The following RTL6 variants were observed in gnomAD, a reference collection of about 807,000 sequenced individuals.
RTL6 encodes retrotransposon Gag like 6, also known as retrotransposon Gag-like protein 6.
Under a neutral mutation model 12.4 loss-of-function variants are expected in RTL6, and 9 were observed. That is an observed-to-expected ratio of 0.73 (90% CI 0.44 to 1.27). The LOEUF is 1.27. RTL6 is among the 50% of genes most tolerant of loss of function. The probability of loss-of-function intolerance (pLI) is 0.00; values close to 1 mark genes in which losing one functional copy is unlikely to be tolerated. For synonymous variants in RTL6, 160 were observed against 142.8 expected (o/e 1.12, Z -0.86); for missense variants, 291 against 330.7 (o/e 0.88, Z 0.93).
At position 44,494,223 on chromosome 22, in the gene RTL6, C is replaced by A. The variant is rs934960448; in HGVS notation, c.*2614G>T. 4 of 152,258 alleles carry A rather than the reference C, an allele frequency of 2.6e-5. No individual in the cohort carries two copies. The allele number at this position is 152,258 out of a possible 1,614,324, so 9.4% of individuals were successfully genotyped here. A position where few individuals can be genotyped will look rare whatever the true frequency, so the allele number is the denominator to read the frequency against. On this transcript the variant is annotated 3_prime_UTR_variant, in exon 2 of 2. Coordinates refer to ENST00000341255, the MANE Select transcript of RTL6 (RefSeq NM_032287.3). ...TGCACTGTTGAACACTACTGCCTGT[C>A]CCTTTTATCAATCAATACCCGTTCT...
rs1924389566 is a variant in RTL6 at position 44,494,584 on chromosome 22, C to T, written c.*2253G>A. The stretch of plus-strand genomic sequence containing the variant: ...CACCAAGAGAAAAAACACAAATCAC[C>T]ATGCCAAACAAAGGTGGAGCAGCTG... On this transcript the variant is annotated 3_prime_UTR_variant, in exon 2 of 2. Coordinates refer to ENST00000341255, the MANE Select transcript of RTL6 (RefSeq NM_032287.3). The T allele has an allele frequency of 6.6e-6, 1 of 152,540 alleles. No individual in the cohort carries two copies. Among genetic ancestry groups the T allele is most frequent in the African/African-American group, 2.4e-5 (1 of 41,464 alleles). 9.4% of individuals were successfully genotyped at this position (152,540 alleles called of 1,614,324 possible).
At chr22:44,497,997 C>A (rs1219797892) in intron 1 of RTL6, 47 bp downstream of exon 1, 2 of 151,954 alleles carry the variant, frequency 1.3e-5, no homozygotes, top group Non-Finnish European at 2.9e-5. Context: ...CTGGGGGCCA[C>A]CACAGTGGCG....
At position 44,495,517 on chromosome 22, in the gene RTL6, C is replaced by G. The variant is rs1328593889; in HGVS notation, c.*1320G>C. ...AGCCACAAAATGATTTCTTGGTCATCCCCCTGTGAGGAAGGATGAGGTCCT... is the reference window on the plus strand; with the variant it reads ...AGCCACAAAATGATTTCTTGGTCATGCCCCTGTGAGGAAGGATGAGGTCCT... On this transcript the variant is annotated 3_prime_UTR_variant, in exon 2 of 2. Coordinates refer to ENST00000341255, the MANE Select transcript of RTL6 (RefSeq NM_032287.3). 1 of 144,786 alleles carries G rather than the reference C, an allele frequency of 6.9e-6. No individual in the cohort carries two copies. Among genetic ancestry groups the G allele is most frequent in the African/African-American group, 2.6e-5 (1 of 38,196 alleles). The allele number at this position is 144,786 out of a possible 1,614,324, so 9.0% of individuals were successfully genotyped here. A position where few individuals can be genotyped will look rare whatever the true frequency, so the allele number is the denominator to read the frequency against.
chr22:44,496,635 G>C lies in RTL6; in HGVS notation c.*202C>G. ...GCAGTGAGCGATAGGTACAAAGCTAGCACGTAAGAGGAAGCACGGCAAGGT... is the reference window on the plus strand; with the variant it reads ...GCAGTGAGCGATAGGTACAAAGCTACCACGTAAGAGGAAGCACGGCAAGGT... On this transcript the variant is annotated 3_prime_UTR_variant, in exon 2 of 2. Transcript: ENST00000341255. The C allele has an allele frequency of 1.5e-6, 1 of 669,184 alleles. No homozygotes were observed. Among genetic ancestry groups the C allele is most frequent in the Non-Finnish European group, 2.6e-6 (1 of 384,380 alleles). The allele number at this position is 669,184 out of a possible 1,614,324, so 41.5% of individuals were successfully genotyped here.
In RTL6 at chr22:44,497,778, G is replaced by A. The variant is rs1601870987; in HGVS notation, c.-222C>T. On this transcript the variant is annotated 5_prime_UTR_variant, in exon 2 of 2. Coordinates refer to ENST00000341255, the MANE Select transcript of RTL6 (RefSeq NM_032287.3). ...CTTTACTGCAGACTTCGCGGACTACGGAGCCAGACGGGTGGCTGGACCTGC... is the reference window on the plus strand; with the variant it reads ...CTTTACTGCAGACTTCGCGGACTACAGAGCCAGACGGGTGGCTGGACCTGC... 4 of 603,536 alleles carry A rather than the reference G, an allele frequency of 6.6e-6. No individual in the cohort carries two copies. Among genetic ancestry groups the A allele is most frequent in the Non-Finnish European group, 8.9e-6 (3 of 335,852 alleles). The allele number at this position is 603,536 out of a possible 1,614,324, so 37.4% of individuals were successfully genotyped here.
chr22:44,497,786 A>G lies in RTL6; in HGVS notation c.-230T>C. Reference sequence around the variant, plus strand: ...CAGACTTCGCGGACTACGGAGCCAGACGGGTGGCTGGACCTGCTCTGGGCC... The same window carrying G: ...CAGACTTCGCGGACTACGGAGCCAGGCGGGTGGCTGGACCTGCTCTGGGCC... On this transcript the variant is annotated 5_prime_UTR_variant, in exon 2 of 2. Coordinates refer to ENST00000341255, the MANE Select transcript of RTL6 (RefSeq NM_032287.3). 1 of 595,866 alleles carries G rather than the reference A, an allele frequency of 1.7e-6. No individual in the cohort carries two copies. The allele number at this position is 595,866 out of a possible 1,614,324, so 36.9% of individuals were successfully genotyped here.
Position 44,497,076 on chromosome 22 carries a change from GGCTGTCAGGTT to G in RTL6, c.470_480del (p.Gln157ProfsTer36). Reference sequence around the variant, plus strand: ...AACCCCTGATAGTTGTTGCGCAAGGGGCTGTCAGGTTGCATGTGGGGGATAGCCCACTTCTC... The same window carrying G: ...AACCCCTGATAGTTGTTGCGCAAGGGGCATGTGGGGGATAGCCCACTTCTC... On this transcript the variant is annotated frameshift_variant, in exon 2 of 2. Transcript: ENST00000341255. LOFTEE classifies it high-confidence loss of function. The G allele has an allele frequency of 6.2e-7, 1 of 1,614,194 alleles. No individual in the cohort carries two copies. The highest frequency in any genetic ancestry group is 8.5e-7 in the Non-Finnish European group (1 of 1,180,048).
At position 44,494,690 on chromosome 22, in the gene RTL6, G is replaced by T; in HGVS notation, c.*2147C>A. 1 of 152,698 alleles carries T rather than the reference G, an allele frequency of 6.5e-6. No individual in the cohort carries two copies. The highest frequency in any genetic ancestry group is 1.5e-5 in the Non-Finnish European group (1 of 68,466). The allele number at this position is 152,698 out of a possible 1,614,324, so 9.5% of individuals were successfully genotyped here. A position where few individuals can be genotyped will look rare whatever the true frequency, so the allele number is the denominator to read the frequency against. On this transcript the variant is annotated 3_prime_UTR_variant, in exon 2 of 2. Transcript: ENST00000341255. The stretch of plus-strand genomic sequence containing the variant: ...TGTGGACAGGGAGTGTGTGGACAGG[G>T]AGTGTGTGGACAGGGAGCGTGGCCG...
rs1376415161 is a variant in RTL6 at position 44,496,976 on chromosome 22, G to A, written c.581C>T (p.Ala194Val). ...ARRAQIRKTS[A>V]SNRAVRERQM... ...CCTCTCTCGCACAGCCCTATTAGAG[G>A]CAGAAGTCTTCCTGATTTGGGCGCG... Residue 194 changes from alanine to valine, a missense_variant, in exon 2 of 2, where the codon GCC becomes GTC. Coordinates refer to ENST00000341255, the MANE Select transcript of RTL6 (RefSeq NM_032287.3). 12 of 1,613,894 alleles carry A rather than the reference G, an allele frequency of 7.4e-6. No individual in the cohort carries two copies. The highest frequency in any genetic ancestry group is 2.7e-5 in the African/African-American group (2 of 74,944).
At position 44,495,367 on chromosome 22, in the gene RTL6, A is replaced by G. The variant is rs131155; in HGVS notation, c.*1470T>C. ...AGGTTGTCCTTCTGCAATCAAGCCA[A>G]GACCCTTCAGACAGGGGCAGCTGAG... is the stretch of plus-strand genomic sequence containing the variant. On this transcript the variant is annotated 3_prime_UTR_variant, in exon 2 of 2. Coordinates refer to ENST00000341255, the MANE Select transcript of RTL6 (RefSeq NM_032287.3). 77,667 of 152,624 alleles carry G rather than the reference A, an allele frequency of 0.51. 19,937 individuals carry two copies. Among genetic ancestry groups the G allele is most frequent in the African/African-American group, 0.55 (22,862 of 41,482 alleles). 9.5% of individuals were successfully genotyped at this position (152,624 alleles called of 1,614,324 possible). A position where few individuals can be genotyped will look rare whatever the true frequency, so the allele number is the denominator to read the frequency against.
In RTL6 at chr22:44,497,075, G is replaced by C; in HGVS notation, c.482C>G (p.Pro161Arg). 1 of 1,614,192 alleles carries C rather than the reference G, an allele frequency of 6.2e-7. No homozygotes were observed. Among genetic ancestry groups the C allele is most frequent in the Non-Finnish European group, 8.5e-7 (1 of 1,180,042 alleles). Residue 161 changes from proline to arginine, a missense_variant, in exon 2 of 2, where the codon CCC becomes CGC. Around this residue, in one of 3 missense-constraint regions of RTL6, gnomAD observed 132 missense variants for 163.9 expected, o/e 0.81. Coordinates refer to ENST00000341255, the MANE Select transcript of RTL6 (RefSeq NM_032287.3). ...GAACCCCTGATAGTTGTTGCGCAAG[G>C]GGCTGTCAGGTTGCATGTGGGGGAT... ...WAIPHMQPDS[P>R]LRNNYQGFLA...
Position 44,497,410 on chromosome 22 carries a change from C to T in RTL6, c.147G>A (p.Glu49=), listed in dbSNP as rs1332497759. Reference sequence around the variant, plus strand: ...CCAGCATGTTGGTGAGATTGGCCTTCTCCGCCCGCAGGGTGGAAGCCTCCC... The same window carrying T: ...CCAGCATGTTGGTGAGATTGGCCTTTTCCGCCCGCAGGGTGGAAGCCTCCC... ...LRREASTLRA[E]KANLTNMLES... is the part of the protein sequence containing the mutation. Residue 49 remains glutamate (E), a synonymous_variant, in exon 2 of 2, where the codon GAG becomes GAA. Coordinates refer to ENST00000341255, the MANE Select transcript of RTL6 (RefSeq NM_032287.3). 6.2e-7 allele frequency: 1 copy of T among 1,614,088 alleles called. No individual in the cohort carries two copies. Among genetic ancestry groups the T allele is most frequent in the East Asian group, 2.2e-5 (1 of 44,874 alleles).
rs368025804 is a variant in RTL6 at position 44,496,798 on chromosome 22, C to T, written c.*39G>A. 2.6e-6 allele frequency: 4 copies of T among 1,525,424 alleles called. No homozygotes were observed. Among genetic ancestry groups the T allele is most frequent in the Non-Finnish European group, 2.6e-6 (3 of 1,138,502 alleles). The allele number at this position is 1,525,424 out of a possible 1,614,324, so 94.5% of individuals were successfully genotyped here. Reference sequence around the variant, plus strand: ...TCTACACAGCAAAGAGCGTATGCTACCTGGGTGGCTGCAGACGCTACCAAG... The same window carrying T: ...TCTACACAGCAAAGAGCGTATGCTATCTGGGTGGCTGCAGACGCTACCAAG... On this transcript the variant is annotated 3_prime_UTR_variant, in exon 2 of 2. Transcript: ENST00000341255.
rs552627396 is a variant in RTL6, at chr22:44,494,928, G to A, written c.*1909C>T. 1 of 152,670 alleles carries A rather than the reference G, an allele frequency of 6.6e-6. No homozygotes were observed. The highest frequency in any genetic ancestry group is 2.4e-5 in the African/African-American group (1 of 41,446). 9.5% of individuals were successfully genotyped at this position (152,670 alleles called of 1,614,324 possible). ...CACTTGGGGGCACCTCTCCCTGGCAGGTACTAGTCTTACCAATATAGCTGC... is the reference window on the plus strand; with the variant it reads ...CACTTGGGGGCACCTCTCCCTGGCAAGTACTAGTCTTACCAATATAGCTGC... On this transcript the variant is annotated 3_prime_UTR_variant, in exon 2 of 2. Transcript: ENST00000341255.
Position 44,496,599 on chromosome 22 carries a change from G to A in RTL6, c.*238C>T. ...AACAGGCCGGGATGCCAGCAAGAGG[G>A]AGGCGAGCATGCAGTGAGCGATAGG... On this transcript the variant is annotated 3_prime_UTR_variant, in exon 2 of 2. Transcript: ENST00000341255. 1.8e-6 allele frequency: 1 copy of A among 546,382 alleles called. No homozygotes were observed. Among genetic ancestry groups the A allele is most frequent in the Admixed American group, 3.5e-5 (1 of 28,820 alleles). 33.8% of individuals were successfully genotyped at this position (546,382 alleles called of 1,614,324 possible).
In RTL6 at chr22:44,497,463, G is replaced by C; in HGVS notation, c.94C>G (p.Leu32Val). 6.2e-7 allele frequency: 1 copy of C among 1,614,202 alleles called. No homozygotes were observed. Among genetic ancestry groups the C allele is most frequent in the Non-Finnish European group, 8.5e-7 (1 of 1,180,040 alleles). The change falls in exon 2 of 2, where the codon CTG becomes GTG. Residue 32 changes from leucine to valine, a missense_variant. Physicochemically the swap from Leu to Val is conservative, Grantham distance 32. Coordinates refer to ENST00000341255, the MANE Select transcript of RTL6 (RefSeq NM_032287.3). ...MDDVIDTLTS[L>V]RLTNSALRRE... is the part of the protein sequence containing the mutation. ...CTCAGCGCCGAGTTGGTGAGGCGCA[G>C]GGAGGTCAGGGTGTCAATAACGTCA...
Position 44,493,768 on chromosome 22 carries a change from G to A in RTL6, c.*3069C>T, listed in dbSNP as rs1285430253. On this transcript the variant is annotated 3_prime_UTR_variant, in exon 2 of 2. Coordinates refer to ENST00000341255, the MANE Select transcript of RTL6 (RefSeq NM_032287.3). ...TCCAATCCCAGGGCTTGTTCCCTAA[G>A]TCAACCTCAGCACATGCCCAGCTCA... is the stretch of plus-strand genomic sequence containing the variant. 6.6e-6 allele frequency: 1 copy of A among 152,234 alleles called. No homozygotes were observed. Among genetic ancestry groups the A allele is most frequent in the Non-Finnish European group, 1.5e-5 (1 of 68,114 alleles). 9.4% of individuals were successfully genotyped at this position (152,234 alleles called of 1,614,324 possible).
At position 44,497,335 on chromosome 22, in the gene RTL6, C is replaced by A; in HGVS notation, c.222G>T (p.Pro74=). ...LTLLRTRARI[P]GALQITPPIS... ...TGGGCGGGGTGATCTGCAGAGCCCC[C>A]GGGATCCGCGCCCTGGTGCGTAACA... Residue 74 remains proline, a synonymous_variant, in exon 2 of 2, where the codon CCG becomes CCT. Transcript: ENST00000341255. 2 of 1,613,072 alleles carry A rather than the reference C, an allele frequency of 1.2e-6. No homozygotes were observed. The highest frequency in any genetic ancestry group is 1.7e-6 in the Non-Finnish European group (2 of 1,179,180).
rs1361400449 is a variant in RTL6, at chr22:44,494,112, C to T, written c.*2725G>A. 1 of 152,218 alleles carries T rather than the reference C, an allele frequency of 6.6e-6. No homozygotes were observed. Among genetic ancestry groups the T allele is most frequent in the African/African-American group, 2.4e-5 (1 of 41,442 alleles). 9.4% of individuals were successfully genotyped at this position (152,218 alleles called of 1,614,324 possible). A position where few individuals can be genotyped will look rare whatever the true frequency, so the allele number is the denominator to read the frequency against. ...CCTGGTATGCACTGAAGCCTACTTA[C>T]CAAAGGGGTACCATGTGGACCAGAC... On this transcript the variant is annotated 3_prime_UTR_variant, in exon 2 of 2. Transcript: ENST00000341255.
Sources: gnomAD v4.1 joint callset for allele counts on GRCh38, gnomAD v4.1.1 for gene constraint, gnomAD v4.1.1 regional missense constraint, MANE v1.5 for transcripts, NCBI Gene and HGNC (gene_info 2026-07-23, HGNC 2026-07-21) for gene names.